Variants in PSD3 observed in about 807,000 individuals in gnomAD.
PSD3 encodes the protein pleckstrin and Sec7 domain containing 3.
A neutral mutation model predicts 105.5 loss-of-function variants in PSD3; 49 were observed. The ratio of observed to expected loss-of-function variants is 0.46; its 90% confidence interval spans 0.37 to 0.59. The LOEUF is 0.59. PSD3 is among the 20% of genes least tolerant of loss of function. The probability of loss-of-function intolerance (pLI) is 0.00; values close to 1 mark genes in which losing one functional copy is unlikely to be tolerated. For missense variants in PSD3, 1,561 were observed against 1,263.8 expected, an observed-to-expected ratio of 1.24 and a Z score of -3.57; for synonymous variants, 557 against 457.8, an observed-to-expected ratio of 1.22 and a Z score of -2.77.
At chr8:18,934,419 CT>C (rs576676408) in intron 2 of PSD3, among the ~76,000 whole-genome samples, 1 of 151,170 alleles carries the variant, frequency 6.6e-6, no homozygotes, top group Non-Finnish European at 1.5e-5. Flanking sequence ...CTCTAAGATC[CT>C]TTTTTTTTGA....
chr8:19,037,716 T>A (rs1420805237), intron 1 of PSD3, among the ~76,000 whole-genome samples: 1 of 152,102 alleles, frequency 6.6e-6, no homozygotes, highest in African/African-American at 2.4e-5. Context: ...GTACTTCTAG[T>A]TTCTGGGCCT....
intron 12 of PSD3, among the ~76,000 whole-genome samples, chr8:18,590,978 C>G (rs1458953150): frequency 6.6e-6 from 1 of 152,176 alleles, no homozygotes; most frequent in Non-Finnish European, 1.5e-5. Context: ...TTTAAACAGT[C>G]TCTTCCTGGG....
At chr8:18,571,475 A>G (rs1802136167) in intron 14 of PSD3, among the ~76,000 whole-genome samples, 1 of 152,082 alleles carries the variant, frequency 6.6e-6, no homozygotes, top group Non-Finnish European at 1.5e-5. Flanking sequence ...GCCAGGCTAG[A>G]TAATGTCCCT....
chr8:18,781,003 C>T (rs148963456), intron 8 of PSD3, among the ~76,000 whole-genome samples: 3 of 152,234 alleles, frequency 2.0e-5, no homozygotes, highest in Non-Finnish European at 2.9e-5. Flanking sequence ...TATTCTCCTT[C>T]ATTTTTTATA....
chr8:18,930,329 G>A (rs528982793), intron 2 of PSD3, among the ~76,000 whole-genome samples: 4 of 152,252 alleles, frequency 2.6e-5, no homozygotes, highest in Non-Finnish European at 5.9e-5. Context: ...CAAAAGAAGG[G>A]ATTAAATATT....
chr8:19,084,221 G>C, exon 1 of PSD3: 2 of 430,630 alleles, frequency 4.6e-6, no homozygotes, highest in South Asian at 3.4e-5. Flanking sequence ...GAGGCAGAGT[G>C]GCAGGCGGGG....
chr8:18,771,122 C>T (rs1807482625), intron 8 of PSD3, among the ~76,000 whole-genome samples: 1 of 152,218 alleles, frequency 6.6e-6, no homozygotes, highest in African/African-American at 2.4e-5. Context: ...TGCTTCTCCT[C>T]TCTCTGCTGG....
intron 4 of PSD3, among the ~76,000 whole-genome samples, chr8:18,827,552 T>C (rs375718458): frequency 2.6e-5 from 4 of 152,164 alleles, no homozygotes; most frequent in Non-Finnish European, 5.9e-5. Flanking sequence ...CTGGATTAAA[T>C]AGATAGATTA....
intron 9 of PSD3, among the ~76,000 whole-genome samples, chr8:18,737,915 C>A (rs530748834): frequency 1.3e-4 from 20 of 152,288 alleles, no homozygotes; most frequent in African/African-American, 4.8e-4. Context: ...CCTTATCACA[C>A]AGGCAGGAGG....
upstream of PSD3, among the ~76,000 whole-genome samples, chr8:19,018,171 T>G (rs1402538380): frequency 6.6e-6 from 1 of 152,218 alleles, no homozygotes; most frequent in Admixed American, 6.5e-5. Flanking sequence ...TTCTCTAGCA[T>G]GGTTGATCAC....
intron 1 of PSD3, among the ~76,000 whole-genome samples, chr8:19,072,952 A>T (rs1829320716): frequency 6.6e-6 from 1 of 152,198 alleles, no homozygotes; most frequent in African/African-American, 2.4e-5. Flanking sequence ...ACTATAAAGG[A>T]TGGGGAACCC....
At chr8:18,581,135 T>C (rs1585296396) in intron 12 of PSD3, among the ~76,000 whole-genome samples, 1 of 152,168 alleles carries the variant, frequency 6.6e-6, no homozygotes, top group Admixed American at 6.5e-5. Flanking sequence ...TGTAACGAAG[T>C]GGATATGAAG....
At chr8:18,569,100 C>T (rs376059750) in intron 14 of PSD3, among the ~76,000 whole-genome samples, 11,603 of 128,544 alleles carry the variant, frequency 0.09, 565 homozygotes, top group South Asian at 0.18. Context: ...TTAATCCAGT[C>T]TATCGTTGTT....
intron 12 of PSD3, among the ~76,000 whole-genome samples, chr8:18,588,676 C>A (rs1053087307): frequency 6.6e-6 from 1 of 152,172 alleles, no homozygotes; most frequent in African/African-American, 2.4e-5. Flanking sequence ...ATCATAAATC[C>A]GGAGAAGCAA....
chr8:18,983,310 C>G (rs577878842), intron 1 of PSD3, among the ~76,000 whole-genome samples: 2 of 152,182 alleles, frequency 1.3e-5, no homozygotes, highest in South Asian at 4.1e-4. Context: ...CAGATTTGCT[C>G]CATATCAGCA....
At chr8:18,799,161 T>G in intron 8 of PSD3, 134 bp downstream of exon 8, 1 of 758,708 alleles carries the variant, frequency 1.3e-6, no homozygotes. Context: ...TTTCAAAGAT[T>G]TCTTTTTATT....
chr8:18,691,866 A>C (rs960605212), intron 9 of PSD3, among the ~76,000 whole-genome samples: 1 of 152,228 alleles, frequency 6.6e-6, no homozygotes, highest in African/African-American at 2.4e-5. Context: ...GTCGAAGTAC[A>C]TGACCCTAGG....
intron 12 of PSD3, among the ~76,000 whole-genome samples, chr8:18,586,228 AG>A (rs1349838372): frequency 6.6e-6 from 1 of 152,106 alleles, no homozygotes; most frequent in Non-Finnish European, 1.5e-5. Context: ...CTGGGATGGG[AG>A]TAGTGAAAGA....
intron 1 of PSD3, among the ~76,000 whole-genome samples, chr8:19,034,548 G>C (rs528369378): frequency 6.6e-6 from 1 of 152,278 alleles, no homozygotes; most frequent in African/African-American, 2.4e-5. Flanking sequence ...ATCCCATAAA[G>C]AGCTGACAGT....
Sources: allele counts gnomAD v4.1 joint callset (sites outside exome capture counted in the v4.1 genomes callset), GRCh38; gene constraint gnomAD v4.1.1; transcripts MANE v1.5; gene names NCBI Gene and HGNC (gene_info 2026-07-23, HGNC 2026-07-21).